Variants in PEBP4 observed in about 807,000 individuals in gnomAD.
The protein encoded by PEBP4 is phosphatidylethanolamine-binding protein 4.
Under a neutral mutation model 23.9 loss-of-function variants are expected in PEBP4, and 22 were observed. That is an observed-to-expected ratio of 0.92 (90% CI 0.66 to 1.31). The LOEUF (loss-of-function observed/expected upper bound fraction) is 1.31. Ranked by LOEUF, PEBP4 falls within the 40% of genes most tolerant of loss-of-function variation. The probability of loss-of-function intolerance (pLI) is 0.00; values close to 1 mark genes in which losing one functional copy is unlikely to be tolerated. For synonymous variants in PEBP4, 112 were observed against 99.3 expected, an observed-to-expected ratio of 1.13 and a Z score of -0.76; for missense variants, 324 against 281.7, an observed-to-expected ratio of 1.15 and a Z score of -1.07.
At chr8:22,744,693 C>G (rs1199902604) in intron 4 of PEBP4, 1 of 152,338 alleles carries the variant, frequency 6.6e-6, no homozygotes, top group Non-Finnish European at 1.5e-5. Flanking sequence ...TTTAGAGAGG[C>G]ACAGCTCCTA....
In PEBP4 at chr8:22,724,903, AG is replaced by A. The variant is rs1563194907; in HGVS notation, c.456del (p.Phe153LeufsTer29). 6.2e-7 allele frequency: 1 copy of A among 1,614,208 alleles called. No individual in the cohort carries two copies. Among genetic ancestry groups the A allele is most frequent in the South Asian group, 1.1e-5 (1 of 91,086 alleles). ...ACTTTTCCTTCCTGAAGATAGACAA[AG>A]AACTGGTAGCGATGGAAGCCACTGT... ...PAHSGFHRYQ[F>X]FVYLQEGKVI... is the part of the protein sequence containing the mutation. On this transcript the variant is annotated frameshift_variant, in exon 6 of 7. Transcript: ENST00000256404. LOFTEE classifies it high-confidence loss of function.
intron 3 of PEBP4, among the ~76,000 whole-genome samples, chr8:22,818,966 G>A (rs1198212464): frequency 1.3e-5 from 2 of 152,178 alleles, no homozygotes; most frequent in African/African-American, 4.8e-5. Flanking sequence ...AAGACTTGGA[G>A]AGGAGGCTGT....
chr8:22,784,988 C>T (rs962325168), intron 4 of PEBP4, among the ~76,000 whole-genome samples: 2 of 152,182 alleles, frequency 1.3e-5, no homozygotes, highest in African/African-American at 2.4e-5. Context: ...GGAACAGAAA[C>T]GGGCCACGTG....
intron 4 of PEBP4, among the ~76,000 whole-genome samples, chr8:22,732,165 T>C (rs1056705627): frequency 2.6e-5 from 4 of 152,116 alleles, no homozygotes; most frequent in African/African-American, 7.2e-5. Context: ...AGTTTGGGAC[T>C]GGAGGGCCCG....
Position 22,834,036 on chromosome 8 carries a change from A to G in PEBP4, c.259-16301T>C, listed in dbSNP as rs76559145. Among the ~76,000 whole-genome samples, 1,473 of 152,292 alleles carry G rather than the reference A, an allele frequency of 9.7e-3. 20 individuals carry two copies. Among genetic ancestry groups the G allele is most frequent in the Non-Finnish European group, 0.015 (1,002 of 68,028 alleles). ...TTAGAAGACTATGTGTCTTCTTCAT[A>G]AAGAGGACAATCTTCCCCTGACCTC... On this transcript the variant is annotated intron_variant, in intron 3 of 6. Coordinates refer to ENST00000256404, the MANE Select transcript of PEBP4 (RefSeq NM_144962.3).
intron 3 of PEBP4, among the ~76,000 whole-genome samples, chr8:22,898,140 C>T (rs971656145): frequency 2.0e-5 from 3 of 151,748 alleles, no homozygotes; most frequent in Non-Finnish European, 2.9e-5. Flanking sequence ...GCCTGTAATC[C>T]CAGCACTTTG....
At chr8:22,928,055 G>A (rs902933852), upstream of PEBP4, 7 of 271,914 alleles carry the variant, frequency 2.6e-5, no homozygotes, top group Middle Eastern at 3.4e-3. Flanking sequence ...TAAGCTCCTC[G>A]GTGCAGCTCC....
intron 3 of PEBP4, among the ~76,000 whole-genome samples, chr8:22,889,492 G>A (rs1808448948): frequency 1.3e-5 from 2 of 152,200 alleles, no homozygotes; most frequent in African/African-American, 2.4e-5. Flanking sequence ...GTAAATGGGA[G>A]AGAAAAATTA....
At chr8:22,822,004 C>A (rs971346767) in intron 3 of PEBP4, among the ~76,000 whole-genome samples, 35 of 136,930 alleles carry the variant, frequency 2.6e-4, no homozygotes, top group African/African-American at 9.0e-4. Context: ...AAAAAAGAGG[C>A]TGAGGAGAAG....
intron 3 of PEBP4, among the ~76,000 whole-genome samples, chr8:22,830,288 C>A (rs1055317960): frequency 6.7e-6 from 1 of 149,988 alleles, no homozygotes; most frequent in Non-Finnish European, 1.5e-5. Context: ...CACCACCACG[C>A]CTGGCTAATT....
intron 3 of PEBP4, among the ~76,000 whole-genome samples, chr8:22,919,876 C>A (rs529037363): frequency 6.6e-6 from 1 of 152,300 alleles, no homozygotes; most frequent in East Asian, 1.9e-4. Context: ...CTGGTCTCCA[C>A]CAGGCTTGGG....
chr8:22,909,102 T>C (rs1451466622), intron 3 of PEBP4, among the ~76,000 whole-genome samples: 5 of 152,302 alleles, frequency 3.3e-5, no homozygotes, highest in African/African-American at 1.2e-4. Context: ...CTTCCTGCAT[T>C]GGTGGCCCCA....
chr8:22,739,717 C>T (rs1166385102), intron 4 of PEBP4, among the ~76,000 whole-genome samples: 2 of 152,168 alleles, frequency 1.3e-5, no homozygotes, highest in Non-Finnish European at 2.9e-5. Context: ...AGCTCCGGCC[C>T]TAGCAGTCCT....
chr8:22,800,802 G>A (rs1429947516), intron 4 of PEBP4, among the ~76,000 whole-genome samples: 2 of 152,234 alleles, frequency 1.3e-5, no homozygotes, highest in East Asian at 1.9e-4. Flanking sequence ...TCTTGGAGCC[G>A]GTGCATACAA....
At chr8:22,923,892 G>T (rs7008709) in intron 2 of PEBP4, among the ~76,000 whole-genome samples, 3 of 152,108 alleles carry the variant, frequency 2.0e-5, no homozygotes, top group Non-Finnish European at 2.9e-5. Flanking sequence ...TGATTTTGGC[G>T]CTTCTCAGCC....
At chr8:22,852,435 C>T (rs1454479488) in intron 3 of PEBP4, among the ~76,000 whole-genome samples, 2 of 152,106 alleles carry the variant, frequency 1.3e-5, no homozygotes, top group African/African-American at 4.8e-5. Context: ...GCACAAACCT[C>T]CTGATTTCTT....
chr8:22,742,783 C>T (rs1218266004), intron 4 of PEBP4, among the ~76,000 whole-genome samples: 1 of 152,104 alleles, frequency 6.6e-6, no homozygotes, highest in Non-Finnish European at 1.5e-5. Flanking sequence ...TTTTTCCACC[C>T]CGGTTCATAC....
At chr8:22,846,828 C>T (rs1807447075) in intron 3 of PEBP4, among the ~76,000 whole-genome samples, 1 of 152,028 alleles carries the variant, frequency 6.6e-6, no homozygotes, top group Non-Finnish European at 1.5e-5. Context: ...ATAGAGATTG[C>T]CTGTGTAGAG....
chr8:22,715,521 G>A (rs1225775834), intron 6 of PEBP4, among the ~76,000 whole-genome samples: 1 of 152,244 alleles, frequency 6.6e-6, no homozygotes, highest in Non-Finnish European at 1.5e-5. Context: ...CGTAGGGCAG[G>A]AAGGAACCTG....
Sources: gnomAD v4.1 joint callset for allele counts (sites outside exome capture counted in the v4.1 genomes callset) on GRCh38, gnomAD v4.1.1 for gene constraint, MANE v1.5 for transcripts, NCBI Gene and HGNC (gene_info 2026-07-23, HGNC 2026-07-21) for gene names.